PNKD: variants seen among roughly 807,000 people sequenced by gnomAD.
PNKD encodes the protein PNKD metallo-beta-lactamase domain containing.
In PNKD, 36 loss-of-function variants were observed where a neutral mutation model predicts 45.3. That is an observed-to-expected ratio of 0.80 (90% CI 0.61 to 1.05). The LOEUF (loss-of-function observed/expected upper bound fraction) is 1.05. Among genes scored for constraint, PNKD ranks in the 50% least tolerant of loss-of-function variants. The probability of loss-of-function intolerance (pLI) is 0.00; values close to 1 mark genes in which losing one functional copy is unlikely to be tolerated. For synonymous variants in PNKD, 197 were observed against 210.1 expected, an observed-to-expected ratio of 0.94 and a Z score of 0.54; for missense variants, 511 against 506.6, an observed-to-expected ratio of 1.01 and a Z score of -0.08.
At chr2:218,276,637 A>G (rs959807506) in intron 2 of PNKD, among the ~76,000 whole-genome samples, 7 of 131,034 alleles carry the variant, frequency 5.3e-5, no homozygotes, top group African/African-American at 1.8e-4. Flanking sequence ...AATTGGATCC[A>G]GAGACCCCCG....
Position 218,340,145 on chromosome 2 carries a change from A to T in PNKD, c.465+4A>T. On this transcript the variant is annotated splice_donor_region_variant and intron_variant, in intron 4 of 9. Transcript: ENST00000273077. This position sits in a 1 kb window ranked among gnomAD's most constrained non-coding sequence, Gnocchi z 4.2. ...TTCAGACCCTCGGGCTGTGCAGGTG[A>T]GGGGAGGGCAGGGAGCAGGGGGTGC... is the stretch of plus-strand genomic sequence containing the variant. 6.3e-7 allele frequency: 1 copy of T among 1,581,204 alleles called. No individual in the cohort carries two copies. Among genetic ancestry groups the T allele is most frequent in the Non-Finnish European group, 8.7e-7 (1 of 1,150,960 alleles).
intron 2 of PNKD, among the ~76,000 whole-genome samples, chr2:218,319,510 G>A (rs540871276): frequency 1.1e-4 from 17 of 151,234 alleles, no homozygotes; most frequent in East Asian, 7.8e-4. Context: ...TGAGTAGCTG[G>A]GATTACAGGC....
intron 2 of PNKD, chr2:218,277,305 G>C (rs1691317254): frequency 1.1e-5 from 16 of 1,484,910 alleles, no homozygotes; most frequent in African/African-American, 2.8e-5. Context: ...AGTGTGCCGG[G>C]GTCCGGGCCT....
intron 2 of PNKD, among the ~76,000 whole-genome samples, chr2:218,303,048 T>G (rs1366063393): frequency 6.6e-6 from 1 of 152,160 alleles, no homozygotes; most frequent in Admixed American, 6.5e-5. Flanking sequence ...CAAGTGATTC[T>G]TCTGCCTCAG....
chr2:218,271,297 C>G lies in PNKD; in HGVS notation c.68-84C>G, dbSNP rs145249885. The G allele has an allele frequency of 1.6e-4, 181 of 1,131,204 alleles. 3 individuals carry two copies. Among genetic ancestry groups the G allele is most frequent in the African/African-American group, 1.4e-3 (92 of 65,638 alleles). 70.1% of individuals were successfully genotyped at this position (1,131,204 alleles called of 1,614,324 possible). A position where few individuals can be genotyped will look rare whatever the true frequency, so the allele number is the denominator to read the frequency against. On this transcript the variant is annotated intron_variant, in intron 1 of 9. Coordinates refer to ENST00000273077, the MANE Select transcript of PNKD (RefSeq NM_015488.5). ...TCCCCTTCCCCAGATCTCAGCCGCT[C>G]CTCCCAAGCCCTTACTGCCCCCCAC...
At chr2:218,275,892 TG>T in intron 2 of PNKD, 2 of 1,111,740 alleles carry the variant, frequency 1.8e-6, no homozygotes, top group Non-Finnish European at 2.6e-6. Flanking sequence ...ATGGAATCTC[TG>T]GACAGTAGTG....
At chr2:218,328,388 C>G (rs561121594) in intron 2 of PNKD, among the ~76,000 whole-genome samples, 1 of 152,330 alleles carries the variant, frequency 6.6e-6, no homozygotes, top group African/African-American at 2.4e-5. Flanking sequence ...ACCCTCACCC[C>G]TGCACCCTGT....
intron 2 of PNKD, among the ~76,000 whole-genome samples, chr2:218,322,301 T>C (rs1694008980): frequency 6.6e-6 from 1 of 152,224 alleles, no homozygotes. Context: ...AGCCCAGCCC[T>C]GGCTCCTGTG....
At chr2:218,322,934 G>C (rs973394358) in intron 2 of PNKD, among the ~76,000 whole-genome samples, 6 of 152,230 alleles carry the variant, frequency 3.9e-5, no homozygotes, top group South Asian at 2.1e-4. Flanking sequence ...CCCTGGACGG[G>C]GAGGCGGGCG....
chr2:218,332,929 T>C (rs1694372440), intron 2 of PNKD, among the ~76,000 whole-genome samples: 1 of 152,128 alleles, frequency 6.6e-6, no homozygotes, highest in South Asian at 2.1e-4. Flanking sequence ...CTCCGAGGCC[T>C]CCTGACAATT....
chr2:218,279,968 TC>T lies in PNKD; in HGVS notation c.236+8422del. 2.3e-6 allele frequency: 3 copies of T among 1,329,780 alleles called. No homozygotes were observed. The South Asian group carries it at 3.5e-5, about 16-fold the overall frequency. 82.4% of individuals were successfully genotyped at this position (1,329,780 alleles called of 1,614,324 possible). A position where few individuals can be genotyped will look rare whatever the true frequency, so the allele number is the denominator to read the frequency against. On this transcript the variant is annotated intron_variant, in intron 2 of 9. Coordinates refer to ENST00000273077, the MANE Select transcript of PNKD (RefSeq NM_015488.5). ...CTGGGGCTACTGTGGCCTACCCACT[TC>T]CCATTCCCACAGCCTGAGGGGCCCC...
intron 2 of PNKD, among the ~76,000 whole-genome samples, chr2:218,315,036 CTTT>C (rs55908245): frequency 1.5e-4 from 1 of 6,598 alleles, no homozygotes. Flanking sequence ...TTCTTTCTTT[CTTT>C]TTCTTTCTTT....
intron 2 of PNKD, chr2:218,281,997 G>T (rs200679829): frequency 1.2e-6 from 2 of 1,607,422 alleles, no homozygotes; most frequent in Non-Finnish European, 8.5e-7. Flanking sequence ...CCAGCAGGGT[G>T]ACCGTAGCCA....
intron 2 of PNKD, among the ~76,000 whole-genome samples, chr2:218,283,695 T>C (rs1465852786): frequency 1.3e-5 from 2 of 152,198 alleles, no homozygotes; most frequent in Non-Finnish European, 2.9e-5. Flanking sequence ...TAAAGGACTG[T>C]CTTATCTCTT....
intron 2 of PNKD, among the ~76,000 whole-genome samples, chr2:218,298,011 AAGAG>A (rs1553664357): frequency 2.0e-5 from 3 of 151,380 alleles, no homozygotes; most frequent in Admixed American, 6.6e-5. Flanking sequence ...AAAAAAAAAA[AAGAG>A]AGAGAGAAAT....
rs545159548 is a variant in PNKD, at chr2:218,312,847, C to T, written c.237-26936C>T. ...TAGAACTTACCACTGCACTCCAGCC[C>T]GGGTGACAGAGTGAGACTCCACCTT... On this transcript the variant is annotated intron_variant, in intron 2 of 9. Transcript: ENST00000273077. Among the ~76,000 whole-genome samples the T allele has an allele frequency of 4.6e-5, 7 of 151,734 alleles. No individual in the cohort carries two copies. In the South Asian group the frequency reaches 1.5e-3, roughly 32 times the overall value.
At chr2:218,279,163 C>T in intron 2 of PNKD, 1 of 1,599,954 alleles carries the variant, frequency 6.3e-7, no homozygotes, top group Non-Finnish European at 8.5e-7. Context: ...CCAGGCAGCC[C>T]TGGCTTCACC....
chr2:218,345,588 T>C lies in PNKD; in HGVS notation c.*607T>C, dbSNP rs141201996. 2.1e-3 allele frequency: 327 copies of C among 153,056 alleles called. No homozygotes were observed. The highest frequency in any genetic ancestry group is 0.014 in the Middle Eastern group (4 of 294). The allele number at this position is 153,056 out of a possible 1,614,324, so 9.5% of individuals were successfully genotyped here. A position where few individuals can be genotyped will look rare whatever the true frequency, so the allele number is the denominator to read the frequency against. On this transcript the variant is annotated 3_prime_UTR_variant, in exon 10 of 10. Coordinates refer to ENST00000273077, the MANE Select transcript of PNKD (RefSeq NM_015488.5). ...TAAGAACACTGAAGGGCTGGAATGC[T>C]GGCTGGCCACTCTCTGCCTCAGTGG... is the stretch of plus-strand genomic sequence containing the variant.
chr2:218,278,516 T>C (rs1425347266), intron 2 of PNKD: 1 of 1,614,112 alleles, frequency 6.2e-7, no homozygotes, highest in African/African-American at 1.3e-5. Flanking sequence ...GGGACTCACC[T>C]GGGTCCCTGG....
Sources: allele counts gnomAD v4.1 joint callset (sites outside exome capture counted in the v4.1 genomes callset), GRCh38; gene constraint gnomAD v4.1.1; non-coding constraint Gnocchi (gnomAD v3.1); transcripts MANE v1.5; gene names NCBI Gene and HGNC (gene_info 2026-07-23, HGNC 2026-07-21).